SRPX: variants seen among roughly 807,000 people sequenced by gnomAD.
SRPX encodes sushi repeat-containing protein SRPX.
In SRPX, 24 loss-of-function variants were observed where a neutral mutation model predicts 38.1. That is an observed-to-expected ratio of 0.63 (90% CI 0.46 to 0.89). The LOEUF is 0.89. Among genes scored for constraint, SRPX ranks in the 40% least tolerant of loss-of-function variants. The probability of loss-of-function intolerance (pLI) is 0.00; values close to 1 mark genes in which losing one functional copy is unlikely to be tolerated. For missense variants in SRPX, 416 were observed against 377.8 expected, an observed-to-expected ratio of 1.10 and a Z score of -0.84; for synonymous variants, 184 against 153.8, an observed-to-expected ratio of 1.20 and a Z score of -1.45.
chrX:38,220,827 G>A lies in SRPX; in HGVS notation c.-35C>T. 1 of 1,066,135 alleles carries A rather than the reference G, an allele frequency of 9.4e-7. No homozygotes were observed. Among genetic ancestry groups the A allele is most frequent in the Non-Finnish European group, 1.2e-6 (1 of 833,404 alleles). 87.9% of individuals were successfully genotyped at this position (1,066,135 alleles called of 1,213,427 possible). ...GCGCTTAGCTCGCCTCGGCAGCGCAGCGCGCTTCCCGGGGGCGGCAGGAGA... is the reference window on the plus strand; with the variant it reads ...GCGCTTAGCTCGCCTCGGCAGCGCAACGCGCTTCCCGGGGGCGGCAGGAGA... On this transcript the variant is annotated 5_prime_UTR_variant, in exon 1 of 10. Coordinates refer to ENST00000378533, the MANE Select transcript of SRPX (RefSeq NM_006307.5).
chrX:38,169,264 GGATACATTCATTCTTA>G (rs1938421949), intron 4 of SRPX, among the ~76,000 whole-genome samples: 1 of 111,846 alleles, frequency 8.9e-6, no homozygotes, highest in African/African-American at 3.3e-5. Flanking sequence ...AACAATGCAT[GGATACATTCATTCTTA>G]GCCCTACTGA....
intron 3 of SRPX, among the ~76,000 whole-genome samples, chrX:38,173,313 T>C (rs895902831): frequency 8.9e-6 from 1 of 112,525 alleles, no homozygotes; most frequent in Admixed American, 9.3e-5. Context: ...TGACTTGTCA[T>C]GAAGCTAAAA....
At chrX:38,208,721 C>G (rs1266544570) in intron 1 of SRPX, among the ~76,000 whole-genome samples, 10 of 110,265 alleles carry the variant, frequency 9.1e-5, no homozygotes, top group African/African-American at 3.3e-4. Context: ...ACTCTATCAC[C>G]CAGTCTGCAG....
chrX:38,163,986 A>G, intron 5 of SRPX, among the ~76,000 whole-genome samples: 1 of 111,386 alleles, frequency 9.0e-6, no homozygotes, highest in South Asian at 3.8e-4. Context: ...TGGGCAGGCA[A>G]TGGGGGTGGC....
intron 5 of SRPX, among the ~76,000 whole-genome samples, chrX:38,162,324 G>C (rs1938279105): frequency 9.0e-6 from 1 of 111,671 alleles, no homozygotes; most frequent in Admixed American, 9.5e-5. Flanking sequence ...GGTCATAGGA[G>C]AAATGCCAGG....
intron 1 of SRPX, among the ~76,000 whole-genome samples, chrX:38,179,546 A>G (rs1204434671): frequency 8.9e-6 from 1 of 111,815 alleles, no homozygotes; most frequent in Non-Finnish European, 1.9e-5. Flanking sequence ...CATAACAGAC[A>G]AGAACATCCT....
chrX:38,210,523 G>A (rs769524320), intron 1 of SRPX, among the ~76,000 whole-genome samples: 131 of 112,232 alleles, frequency 1.2e-3, no homozygotes, highest in African/African-American at 3.9e-3. Flanking sequence ...TACATACCAA[G>A]ATCCTGGCAG....
intron 7 of SRPX, among the ~76,000 whole-genome samples, chrX:38,157,714 G>A (rs892299712): frequency 3.6e-5 from 4 of 112,133 alleles, no homozygotes; most frequent in Non-Finnish European, 7.5e-5. Context: ...CCATTATTCT[G>A]TCTATGTCAG....
intron 1 of SRPX, among the ~76,000 whole-genome samples, chrX:38,189,964 T>C (rs1938867438): frequency 8.9e-6 from 1 of 111,910 alleles, no homozygotes; most frequent in East Asian, 2.8e-4. Flanking sequence ...GAGACATCCA[T>C]CTCCCTCAGT....
intron 1 of SRPX, among the ~76,000 whole-genome samples, chrX:38,203,074 G>A (rs368583516): frequency 1.8e-5 from 2 of 111,635 alleles, no homozygotes; most frequent in South Asian, 7.5e-4. Context: ...GAATAATATG[G>A]TAACACCAAA....
intron 1 of SRPX, among the ~76,000 whole-genome samples, chrX:38,190,808 G>C (rs997783453): frequency 7.2e-5 from 8 of 111,806 alleles, no homozygotes; most frequent in African/African-American, 2.6e-4. Flanking sequence ...AGAAAGAAGA[G>C]CCTTTCTTTT....
At chrX:38,186,676 T>G (rs1352951520) in intron 1 of SRPX, among the ~76,000 whole-genome samples, 1 of 111,243 alleles carries the variant, frequency 9.0e-6, no homozygotes, top group East Asian at 2.8e-4. Context: ...CTGGGAGCCT[T>G]TGACTGCAAA....
intron 1 of SRPX, among the ~76,000 whole-genome samples, chrX:38,208,852 T>C (rs1039260890): frequency 7.0e-5 from 7 of 100,443 alleles, no homozygotes; most frequent in East Asian, 3.0e-4. Context: ...TAATTTCTTT[T>C]TTTTTTTTTT....
At chrX:38,206,901 G>A (rs1939221065) in intron 1 of SRPX, among the ~76,000 whole-genome samples, 1 of 112,184 alleles carries the variant, frequency 8.9e-6, no homozygotes. Context: ...ATAAATGGCA[G>A]TAGAATGGCT....
At chrX:38,213,576 C>G (rs967449934) in intron 1 of SRPX, among the ~76,000 whole-genome samples, 20 of 111,619 alleles carry the variant, frequency 1.8e-4, no homozygotes, top group African/African-American at 6.5e-4. Flanking sequence ...AAAGAATAGC[C>G]CTGAGATACA....
In SRPX at chrX:38,178,363, GA is replaced by G. The variant is rs773786494; in HGVS notation, c.98-20del. ...CCCGATCCTACAATAAAAAAGAACA[GA>G]AACTGCAGCAAGAAAAGCCACATAG... On this transcript the variant is annotated intron_variant, in intron 1 of 9. Coordinates refer to ENST00000378533, the MANE Select transcript of SRPX (RefSeq NM_006307.5). 1 of 1,195,065 alleles carries G rather than the reference GA, an allele frequency of 8.4e-7. No homozygotes were observed. Among genetic ancestry groups the G allele is most frequent in the African/African-American group, 1.8e-5 (1 of 56,658 alleles).
chrX:38,163,596 T>C (rs1938305674), intron 5 of SRPX, among the ~76,000 whole-genome samples: 1 of 111,616 alleles, frequency 9.0e-6, no homozygotes, highest in African/African-American at 3.3e-5. Flanking sequence ...CACAAAGGGA[T>C]CCACCCATTT....
intron 1 of SRPX, among the ~76,000 whole-genome samples, chrX:38,213,060 T>G (rs970418411): frequency 8.9e-6 from 1 of 112,650 alleles, no homozygotes; most frequent in African/African-American, 3.2e-5. Flanking sequence ...CTGGCTAGTA[T>G]CCTGCCACAG....
At chrX:38,210,263 G>A (rs746435086) in intron 1 of SRPX, among the ~76,000 whole-genome samples, 1 of 111,929 alleles carries the variant, frequency 8.9e-6, no homozygotes, top group South Asian at 3.8e-4. Flanking sequence ...TGCTGTTGCT[G>A]CTGGTCTACA....
Sources: allele counts gnomAD v4.1 joint callset (sites outside exome capture counted in the v4.1 genomes callset), GRCh38; gene constraint gnomAD v4.1.1; transcripts MANE v1.5; gene names NCBI Gene and HGNC (gene_info 2026-07-23, HGNC 2026-07-21).